The following ROGDI variants were observed in gnomAD, a reference collection of about 807,000 sequenced individuals.
ROGDI encodes the protein rogdi atypical leucine zipper, also known as protein rogdi homolog.
ROGDI carries 46 observed loss-of-function variants against 43.1 expected under a neutral mutation model. That is an observed-to-expected ratio of 1.07 (90% CI 0.84 to 1.37). The LOEUF is 1.37. Ranked by LOEUF, ROGDI falls within the 40% of genes most tolerant of loss-of-function variation. The pLI is 0.00. For synonymous variants in ROGDI, 243 were observed against 162.0 expected, an observed-to-expected ratio of 1.50 and a Z score of -3.80; for missense variants, 518 against 383.9, an observed-to-expected ratio of 1.35 and a Z score of -2.92.
At position 4,799,669 on chromosome 16, in the gene ROGDI, GC is replaced by G. The variant is rs776478297; in HGVS notation, c.432+16del. ...ACGTGGGACTAGGCCCAGGAGTCAG[GC>G]CCGGGGGCAGCTCACCTTGAGGACC... is the stretch of plus-strand genomic sequence containing the variant. On this transcript the variant is annotated intron_variant, in intron 6 of 10. Coordinates refer to ENST00000322048, the MANE Select transcript of ROGDI (RefSeq NM_024589.3). 3 of 1,596,340 alleles carry G rather than the reference GC, an allele frequency of 1.9e-6. No homozygotes were observed. The highest frequency in any genetic ancestry group is 2.2e-5 in the South Asian group (2 of 89,872).
At chr16:4,798,266 G>T in intron 7 of ROGDI, 82 bp from the exon 8 acceptor site, 2 of 1,153,614 alleles carry the variant, frequency 1.7e-6, no homozygotes, top group Non-Finnish European at 2.5e-6. Context: ...CACTCATGGA[G>T]TCTGCAGGGG....
At chr16:4,799,010 G>A (rs1387298624) in intron 6 of ROGDI, among the ~76,000 whole-genome samples, 2 of 152,166 alleles carry the variant, frequency 1.3e-5, no homozygotes, top group African/African-American at 4.8e-5. Flanking sequence ...AAGGGCCAGA[G>A]AGGGCTTCCT....
chr16:4,801,819 G>C, intron 2 of ROGDI: 1 of 596,774 alleles, frequency 1.7e-6, no homozygotes, highest in Non-Finnish European at 3.0e-6. Context: ...GCCCGCCTCG[G>C]GGAATACAAA....
chr16:4,798,282 A>T, intron 7 of ROGDI, 98 bp from the exon 8 acceptor site: 1 of 996,648 alleles, frequency 1.0e-6, no homozygotes, highest in Non-Finnish European at 1.5e-6. Context: ...AGGGGATCCC[A>T]GTCCCCACCC....
At position 4,797,855 on chromosome 16, in the gene ROGDI, A is replaced by C. The variant is rs1567597183; in HGVS notation, c.696-15T>G. The C allele has an allele frequency of 4.3e-6, 7 of 1,609,468 alleles. No individual in the cohort carries two copies. The highest frequency in any genetic ancestry group is 1.6e-4 in the Middle Eastern group (1 of 6,078). On this transcript the variant is annotated splice_polypyrimidine_tract_variant and intron_variant, in intron 9 of 10. Transcript: ENST00000322048. ...AGCCCCACTCGCTGTGGGCAGTGAG[A>C]GGGTCCCTGAGGAGGGTCCCGGCCC...
Position 4,801,260 on chromosome 16 carries a change from G to T in ROGDI, c.255+7C>A. On this transcript the variant is annotated splice_region_variant and intron_variant, in intron 4 of 10. Coordinates refer to ENST00000322048, the MANE Select transcript of ROGDI (RefSeq NM_024589.3). ...AGGATGGGAGGGGACAGGGCCGGGG[G>T]ACTCACCGCCTGGCTGAGGGCATCC... 2 of 1,601,546 alleles carry T rather than the reference G, an allele frequency of 1.2e-6. No individual in the cohort carries two copies. The highest frequency in any genetic ancestry group is 1.7e-6 in the Non-Finnish European group (2 of 1,172,070).
At chr16:4,799,653 T>C in intron 6 of ROGDI, 33 bp downstream of exon 6, 1 of 1,530,368 alleles carries the variant, frequency 6.5e-7, no homozygotes. Flanking sequence ...AACGTGGGAC[T>C]AGGCCCAGGA....
intron 2 of ROGDI, chr16:4,802,115 G>A (rs1317847410): frequency 3.1e-6 from 2 of 649,420 alleles, no homozygotes; most frequent in African/African-American, 1.8e-5. Context: ...CAGATTGGAT[G>A]CCGCTGCTCC....
rs1361263289 is a variant in ROGDI, at chr16:4,797,111, G to A, written c.*349C>T. The A allele has an allele frequency of 7.0e-6, 2 of 284,036 alleles. No individual in the cohort carries two copies. The highest frequency in any genetic ancestry group is 1.4e-5 in the Non-Finnish European group (2 of 147,824). 17.6% of individuals were successfully genotyped at this position (284,036 alleles called of 1,614,324 possible). ...GACTCATAGCTCAGTGCCACCCCCC[G>A]ACACCATGCCCTCCAGGGGGAGGGG... On this transcript the variant is annotated 3_prime_UTR_variant, in exon 11 of 11. Coordinates refer to ENST00000322048, the MANE Select transcript of ROGDI (RefSeq NM_024589.3).
intron 2 of ROGDI, 187 bp downstream of exon 2, chr16:4,802,195 C>CG: frequency 1.5e-6 from 1 of 667,584 alleles, no homozygotes; most frequent in Non-Finnish European, 2.7e-6. Context: ...TCGGGACCCG[C>CG]CCCTGCCCGC....
At chr16:4,801,938 A>G (rs2082730474) in intron 2 of ROGDI, 1 of 571,728 alleles carries the variant, frequency 1.7e-6, no homozygotes, top group African/African-American at 1.8e-5. Context: ...CACAGCAAGC[A>G]CTACGCCGGT....
rs765425113 is a variant in ROGDI, at chr16:4,797,897, T to A, written c.695+41A>T. ...TCCCGGCCCTCCAGGTGTGGAGGGA[T>A]GGGGTGGGCGTGCCTGGACCCCCCG... is the stretch of plus-strand genomic sequence containing the variant. On this transcript the variant is annotated intron_variant, in intron 9 of 10. Transcript: ENST00000322048. The A allele has an allele frequency of 1.9e-6, 3 of 1,602,608 alleles. No homozygotes were observed. The African/African-American group carries it at 4.0e-5, about 21-fold the overall frequency.
chr16:4,802,581 C>T lies in ROGDI; in HGVS notation c.-10G>A, dbSNP rs1233914987. On this transcript the variant is annotated 5_prime_UTR_variant, in exon 1 of 11. Transcript: ENST00000322048. ...CCATCACGGTGGCCATGGCCGCAGG[C>T]CGCCGCCGAGCGCCCTCCCCACCGG... 3.8e-6 allele frequency: 5 copies of T among 1,311,330 alleles called. No homozygotes were observed. The highest frequency in any genetic ancestry group is 4.9e-6 in the Non-Finnish European group (5 of 1,022,728). The allele number at this position is 1,311,330 out of a possible 1,614,324, so 81.2% of individuals were successfully genotyped here.
rs2082663852 is a variant in ROGDI, at chr16:4,797,440, C to G, written c.*20G>C. ...GGGGACGGGGCCGCCTTCCTGGAGA[C>G]AAGCTCCTGGGTGCTGTGATCAGAA... is the stretch of plus-strand genomic sequence containing the variant. On this transcript the variant is annotated 3_prime_UTR_variant, in exon 11 of 11. Transcript: ENST00000322048. The G allele has an allele frequency of 1.2e-6, 2 of 1,609,552 alleles. No homozygotes were observed. The highest frequency in any genetic ancestry group is 1.7e-6 in the Non-Finnish European group (2 of 1,177,754).
chr16:4,800,693 G>T (rs1047326132), intron 4 of ROGDI, 115 bp from the exon 5 acceptor site: 2 of 808,332 alleles, frequency 2.5e-6, no homozygotes, highest in Non-Finnish European at 4.1e-6. Flanking sequence ...GGCCTTGGCC[G>T]CTGTATAGGG....
chr16:4,798,554 G>A lies in ROGDI; in HGVS notation c.531+15C>T. 6.5e-7 allele frequency: 1 copy of A among 1,532,340 alleles called. No individual in the cohort carries two copies. Among genetic ancestry groups the A allele is most frequent in the East Asian group, 2.3e-5 (1 of 42,970 alleles). The allele number at this position is 1,532,340 out of a possible 1,614,324, so 94.9% of individuals were successfully genotyped here. A position where few individuals can be genotyped will look rare whatever the true frequency, so the allele number is the denominator to read the frequency against. On this transcript the variant is annotated intron_variant, in intron 7 of 10. Transcript: ENST00000322048. Reference sequence around the variant, plus strand: ...GGACCCCTCTCCTGCAGCAGGGGCTGGCAGGGGCACTGACCGTGAGGCCGC... The same window carrying A: ...GGACCCCTCTCCTGCAGCAGGGGCTAGCAGGGGCACTGACCGTGAGGCCGC...
intron 6 of ROGDI, among the ~76,000 whole-genome samples, chr16:4,799,473 G>A (rs1285650383): frequency 6.6e-6 from 1 of 152,118 alleles, no homozygotes; most frequent in Non-Finnish European, 1.5e-5. Context: ...TGTGCCGAGT[G>A]CTTACTGGGG....
Position 4,798,610 on chromosome 16 carries a change from C to CG in ROGDI, c.489dup (p.Ala164ArgfsTer64). ...GCGATCTCGGGGAGGGTGAGGGTGGCGGGGGTGGTGAGCCGGTTTCGGGCT... is the reference window on the plus strand; with the variant it reads ...GCGATCTCGGGGAGGGTGAGGGTGGCGGGGGGTGGTGAGCCGGTTTCGGGCT... On this transcript the variant is annotated frameshift_variant, in exon 7 of 11. Transcript: ENST00000322048. LOFTEE classifies it high-confidence loss of function. 1 of 1,574,324 alleles carries CG rather than the reference C, an allele frequency of 6.4e-7. No individual in the cohort carries two copies. The highest frequency in any genetic ancestry group is 8.6e-7 in the Non-Finnish European group (1 of 1,165,240).
In ROGDI at chr16:4,797,773, T is replaced by C. The variant is rs779461181; in HGVS notation, c.763A>G (p.Asn255Asp). The C allele has an allele frequency of 3.7e-6, 6 of 1,613,780 alleles. No individual in the cohort carries two copies. The highest frequency in any genetic ancestry group is 2.2e-5 in the South Asian group (2 of 91,084). The change falls in exon 10 of 11, where the codon AAC becomes GAC. Residue 255 changes from asparagine (N) to aspartate (D), a missense_variant. Physicochemically the swap from Asn to Asp is conservative, Grantham distance 23. Transcript: ENST00000322048. ...ACGGTGAAGTAGACCAGGGCGTCGT[T>C]GAGCCAGGGGATCACGCACTCCACT... ...HKVECVIPWL[N>D]DALVYFTVSL...
Sources: allele counts gnomAD v4.1 joint callset (sites outside exome capture counted in the v4.1 genomes callset), GRCh38; gene constraint gnomAD v4.1.1; transcripts MANE v1.5; gene names NCBI Gene and HGNC (gene_info 2026-07-23, HGNC 2026-07-21).